METTL2A: variants seen among roughly 807,000 people sequenced by gnomAD.
The protein encoded by METTL2A is methyltransferase 2A, tRNA N3-cytidine, also known as tRNA N(3)-cytidine methyltransferase METTL2A.
Under a neutral mutation model 49.4 loss-of-function variants are expected in METTL2A, and 45 were observed. The observed-to-expected ratio is 0.91, with a 90% CI of 0.72 to 1.17. The LOEUF (loss-of-function observed/expected upper bound fraction) is 1.17, where lower values mean the gene tolerates loss of function less well. METTL2A is among the 50% of genes most tolerant of loss of function. The pLI is 0.00. For missense variants in METTL2A, 361 were observed against 462.2 expected, an observed-to-expected ratio of 0.78 and a Z score of 2.01; for synonymous variants, 118 against 167.5, an observed-to-expected ratio of 0.70 and a Z score of 2.28.
chr17:62,442,951 G>A (rs1337913330), intron 6 of METTL2A, among the ~76,000 whole-genome samples: 2 of 152,194 alleles, frequency 1.3e-5, no homozygotes, highest in African/African-American at 4.8e-5. Flanking sequence ...TTGGGTGATT[G>A]ACCTTCCTCT....
At position 62,435,865 on chromosome 17, in the gene METTL2A, G is replaced by T. The variant is rs555178185; in HGVS notation, c.669+573G>T. On this transcript the variant is annotated intron_variant, in intron 5 of 8. Transcript: ENST00000311506. The stretch of plus-strand genomic sequence containing the variant: ...GTGAAAGGAAGAGTTTCACCACGTT[G>T]CCCAGGCTGGTCTCGAATGATAGCT... 1.2e-3 allele frequency among the ~76,000 whole-genome samples: 176 copies of T among 152,212 alleles called. 1 individual carries two copies. Among genetic ancestry groups the T allele is most frequent in the Non-Finnish European group, 1.9e-3 (130 of 68,034 alleles).
intron 7 of METTL2A, among the ~76,000 whole-genome samples, chr17:62,445,806 A>AT (rs2070764622): frequency 6.6e-6 from 1 of 152,144 alleles, no homozygotes; most frequent in Admixed American, 6.6e-5. Context: ...GAAAAAAAAA[A>AT]AAAGATATTT....
intron 6 of METTL2A, among the ~76,000 whole-genome samples, chr17:62,442,978 T>C (rs1053116073): frequency 1.3e-5 from 2 of 152,134 alleles, no homozygotes; most frequent in Non-Finnish European, 2.9e-5. Flanking sequence ...CCACACTTCC[T>C]CTAGAAGGGT....
In METTL2A at chr17:62,450,260, T is replaced by A. The variant is rs1206288243; in HGVS notation, c.*1531T>A. 1.6e-5 allele frequency: 2 copies of A among 125,218 alleles called. No homozygotes were observed. The highest frequency in any genetic ancestry group is 3.1e-5 in the Non-Finnish European group (2 of 64,696). The allele number at this position is 125,218 out of a possible 1,614,324, so 7.8% of individuals were successfully genotyped here. On this transcript the variant is annotated 3_prime_UTR_variant, in exon 9 of 9. Transcript: ENST00000311506. ...AGTGTTAGATGCCTTTTTTTTTTTT[T>A]TTTTTTTTTTTTTTTTAAGGAGACA...
At chr17:62,441,260 G>A (rs961636847) in intron 6 of METTL2A, among the ~76,000 whole-genome samples, 3 of 152,142 alleles carry the variant, frequency 2.0e-5, no homozygotes, top group African/African-American at 7.2e-5. Flanking sequence ...TTCTGGCCTC[G>A]AAACTTCTGC....
intron 7 of METTL2A, among the ~76,000 whole-genome samples, chr17:62,445,462 TTA>T: frequency 6.6e-6 from 1 of 152,180 alleles, no homozygotes; most frequent in Admixed American, 6.6e-5. Context: ...TGAGGTCTTT[TTA>T]AGCAAGACAG....
chr17:62,426,371 A>G lies in METTL2A; in HGVS notation c.275A>G (p.Asp92Gly). 6.2e-7 allele frequency: 1 copy of G among 1,613,962 alleles called. No individual in the cohort carries two copies. The change falls in exon 3 of 9, where the codon GAT (aspartate) becomes GGT (glycine). Residue 92 changes from aspartate to glycine, a missense_variant. Asp to Gly is a moderately conservative substitution (Grantham distance 94, BLOSUM62 -1). Around this residue, in one of 3 missense-constraint regions of METTL2A, gnomAD observed 150 missense variants for 170.1 expected, o/e 0.88. Coordinates refer to ENST00000311506, the MANE Select transcript of METTL2A (RefSeq NM_181725.4). ...ATCCACGAAAATGGGTTTTTCAAGG[A>G]TAGACATTGGCTTTTTACCGAATTC... Reference protein sequence around the residue: ...YKIHENGFFKDRHWLFTEFPE... With the variant: ...YKIHENGFFKGRHWLFTEFPE...
chr17:62,444,369 TC>T (rs1191696687), intron 6 of METTL2A, among the ~76,000 whole-genome samples: 1 of 152,224 alleles, frequency 6.6e-6, no homozygotes, highest in African/African-American at 2.4e-5. Flanking sequence ...AACCTCCACC[TC>T]CCAGGTTCCA....
chr17:62,428,474 G>C (rs1481400753), intron 4 of METTL2A, among the ~76,000 whole-genome samples: 1 of 152,178 alleles, frequency 6.6e-6, no homozygotes, highest in Non-Finnish European at 1.5e-5. Flanking sequence ...TAAGGGTTCG[G>C]TCCCAGAAGA....
At chr17:62,432,751 G>A (rs2070674609) in intron 4 of METTL2A, among the ~76,000 whole-genome samples, 1 of 151,908 alleles carries the variant, frequency 6.6e-6, no homozygotes, top group African/African-American at 2.4e-5. Flanking sequence ...GCAGTGAGCG[G>A]AGATTGCACC....
chr17:62,434,651 C>T (rs2070688955), intron 4 of METTL2A, among the ~76,000 whole-genome samples: 1 of 152,076 alleles, frequency 6.6e-6, no homozygotes, highest in Non-Finnish European at 1.5e-5. Flanking sequence ...TGTGTTGCTA[C>T]CTTGTGCTGA....
intron 6 of METTL2A, among the ~76,000 whole-genome samples, chr17:62,443,102 G>A (rs1425754108): frequency 2.6e-5 from 4 of 152,250 alleles, no homozygotes; most frequent in African/African-American, 9.6e-5. Context: ...ACCAGGCACA[G>A]TGGCTCACGC....
intron 4 of METTL2A, among the ~76,000 whole-genome samples, chr17:62,431,554 T>C (rs1470189552): frequency 1.3e-5 from 2 of 152,028 alleles, no homozygotes; most frequent in Non-Finnish European, 2.9e-5. Context: ...GGTTTTGCCA[T>C]GTTGCCCAGG....
intron 6 of METTL2A, among the ~76,000 whole-genome samples, chr17:62,443,551 G>A (rs1227528646): frequency 1.3e-5 from 2 of 152,262 alleles, no homozygotes; most frequent in East Asian, 1.9e-4. Flanking sequence ...GAGTCCAGCC[G>A]AGGCAACATA....
intron 4 of METTL2A, among the ~76,000 whole-genome samples, chr17:62,433,043 T>G (rs556596262): frequency 2.0e-5 from 3 of 152,336 alleles, no homozygotes; most frequent in Non-Finnish European, 4.4e-5. Context: ...TGCAGGAGGA[T>G]GTGTGTGGGT....
intron 3 of METTL2A, among the ~76,000 whole-genome samples, chr17:62,427,425 C>T (rs1409882690): frequency 6.6e-6 from 1 of 152,128 alleles, no homozygotes; most frequent in South Asian, 2.1e-4. Flanking sequence ...GTCAGGGTCC[C>T]CTTTTCATAC....
intron 2 of METTL2A, among the ~76,000 whole-genome samples, chr17:62,425,561 TA>T (rs1266279501): frequency 1.3e-5 from 2 of 149,230 alleles, no homozygotes; most frequent in Non-Finnish European, 3.0e-5. Context: ...TAATTTTTTG[TA>T]TTTTAGTACA....
intron 4 of METTL2A, among the ~76,000 whole-genome samples, chr17:62,434,204 C>G (rs915719632): frequency 4.6e-5 from 7 of 152,148 alleles, no homozygotes; most frequent in African/African-American, 1.7e-4. Flanking sequence ...TGGTCAGTAG[C>G]CACGTGTGAA....
In METTL2A at chr17:62,435,228, T is replaced by G. The variant is rs1191084597; in HGVS notation, c.609-4T>G. 3 of 1,613,886 alleles carry G rather than the reference T, an allele frequency of 1.9e-6. No homozygotes were observed. The highest frequency in any genetic ancestry group is 2.5e-6 in the Non-Finnish European group (3 of 1,179,868). On this transcript the variant is annotated splice_region_variant and splice_polypyrimidine_tract_variant and intron_variant, in intron 4 of 8. Transcript: ENST00000311506. ...CATTGTTCTGTCTTTTCTGCCCATT[T>G]CAGTGACCCAGGACTCTTTGTTTAT...
Sources: allele counts gnomAD v4.1 joint callset (sites outside exome capture counted in the v4.1 genomes callset), GRCh38; gene constraint gnomAD v4.1.1; regional missense constraint gnomAD v4.1.1; transcripts MANE v1.5; gene names NCBI Gene and HGNC (gene_info 2026-07-23, HGNC 2026-07-21).